Variants in MARCO observed in about 807,000 individuals in gnomAD.
MARCO encodes macrophage receptor MARCO.
MARCO carries 72 observed loss-of-function variants against 70.0 expected under a neutral mutation model. The observed-to-expected ratio is 1.03, with a 90% CI of 0.85 to 1.25. The LOEUF is 1.25. Ranked by LOEUF, MARCO falls within the 50% of genes most tolerant of loss-of-function variation. The pLI is 0.00. For missense variants in MARCO, 696 were observed against 659.3 expected, an observed-to-expected ratio of 1.06 and a Z score of -0.61; for synonymous variants, 273 against 243.1, an observed-to-expected ratio of 1.12 and a Z score of -1.14.
chr2:118,964,417 G>T (rs537125144), intron 1 of MARCO, among the ~76,000 whole-genome samples: 3 of 152,248 alleles, frequency 2.0e-5, no homozygotes, highest in South Asian at 2.1e-4. Flanking sequence ...GCCAGTAAAA[G>T]ATTCTCTTCA....
rs761711203 is a variant in MARCO at position 118,981,502 on chromosome 2, C to A, written c.860C>A (p.Pro287Gln). ...GSKGDFGRPG[P>Q]PGLAGFPGAK... is the part of the protein sequence containing the mutation. ...AAAGGTGACTTCGGGAGGCCAGGCC[C>A]ACCAGGTAAGAGGGCACGTGGTCAC... Residue 287 changes from proline to glutamine, a missense_variant, in exon 9 of 17, where the codon CCA becomes CAA. Around this residue, in one of 3 missense-constraint regions of MARCO, gnomAD observed 605 missense variants for 537.6 expected, o/e 1.13. Transcript: ENST00000327097. 4 of 1,600,948 alleles carry A rather than the reference C, an allele frequency of 2.5e-6. No individual in the cohort carries two copies. The highest frequency in any genetic ancestry group is 3.4e-6 in the Non-Finnish European group (4 of 1,176,866).
In MARCO at chr2:118,970,374, A is replaced by T. The variant is rs751628673; in HGVS notation, c.424+36A>T. 42 of 1,497,524 alleles carry T rather than the reference A, an allele frequency of 2.8e-5. No homozygotes were observed. In the East Asian group the frequency reaches 9.7e-4, roughly 34 times the overall value. The allele number at this position is 1,497,524 out of a possible 1,614,324, so 92.8% of individuals were successfully genotyped here. ...CTCCCCTCTGGGTCAGGACTTCTCAACAGAGGTCTGGGAGACAGCGGGATC... is the reference window on the plus strand; with the variant it reads ...CTCCCCTCTGGGTCAGGACTTCTCATCAGAGGTCTGGGAGACAGCGGGATC... On this transcript the variant is annotated intron_variant, in intron 3 of 16. Coordinates refer to ENST00000327097, the MANE Select transcript of MARCO (RefSeq NM_006770.4).
Position 118,993,191 on chromosome 2 carries a change from T to C in MARCO, c.1320T>C (p.Ser440=), listed in dbSNP as rs1467003607. The C allele has an allele frequency of 6.2e-7, 1 of 1,614,210 alleles. No homozygotes were observed. Among genetic ancestry groups the C allele is most frequent in the African/African-American group, 1.3e-5 (1 of 75,066 alleles). ...SNRGRAEVYY[S]GTWGTICDDE... ...GAGGCCGGGCTGAAGTTTACTACAGTGGTACCTGGGGGACAATTTGCGATG... is the reference window on the plus strand; with the variant it reads ...GAGGCCGGGCTGAAGTTTACTACAGCGGTACCTGGGGGACAATTTGCGATG... The change falls in exon 16 of 17, where the codon AGT becomes AGC. Residue 440 remains serine, a synonymous_variant. Transcript: ENST00000327097.
At chr2:118,981,761 C>G in intron 10 of MARCO, 105 bp downstream of exon 10, 2 of 1,176,802 alleles carry the variant, frequency 1.7e-6, no homozygotes, top group Non-Finnish European at 2.5e-6. Flanking sequence ...TAGTATTCAC[C>G]CAGAACACCT....
chr2:118,960,638 T>C (rs1260710781), intron 1 of MARCO, among the ~76,000 whole-genome samples: 1 of 152,224 alleles, frequency 6.6e-6, no homozygotes, highest in East Asian at 1.9e-4. Context: ...CATCCTTGCA[T>C]ATCTGGAATA....
chr2:118,970,554 T>G (rs1357002586), intron 3 of MARCO, among the ~76,000 whole-genome samples: 1 of 151,974 alleles, frequency 6.6e-6, no homozygotes, highest in Non-Finnish European at 1.5e-5. Flanking sequence ...CCTGGGGCGG[T>G]TCCCTGGACC....
chr2:118,942,299 C>CA lies in MARCO; in HGVS notation c.1dup, dbSNP rs774281643. 1 of 1,608,642 alleles carries CA rather than the reference C, an allele frequency of 6.2e-7. No individual in the cohort carries two copies. Among genetic ancestry groups the CA allele is most frequent in the Non-Finnish European group, 8.5e-7 (1 of 1,175,300 alleles). On this transcript the variant is annotated 5_prime_UTR_variant, in exon 1 of 17. Transcript: ENST00000327097. The stretch of plus-strand genomic sequence containing the variant: ...GACTTTGGCCATCTATAAAGCTTGG[C>CA]AATGAGAAATAAGAAAATTCTCAAG...
At position 118,950,550 on chromosome 2, in the gene MARCO, C is replaced by T. The variant is rs534724285; in HGVS notation, c.97+8153C>T. On this transcript the variant is annotated intron_variant, in intron 1 of 16. Coordinates refer to ENST00000327097, the MANE Select transcript of MARCO (RefSeq NM_006770.4). ...AAGTTTATTTTGCTTTCCTTACATA[C>T]CTTGCATATAAACTGTTTCTTCAAT... 7.9e-5 allele frequency among the ~76,000 whole-genome samples: 12 copies of T among 152,292 alleles called. 1 individual carries two copies. The South Asian group carries it at 2.1e-3, about 26-fold the overall frequency.
chr2:118,956,679 C>G (rs1487979942), intron 1 of MARCO, among the ~76,000 whole-genome samples: 3 of 152,008 alleles, frequency 2.0e-5, no homozygotes, highest in African/African-American at 7.2e-5. Context: ...ATCCAACAAC[C>G]AAAGAATACA....
intron 1 of MARCO, among the ~76,000 whole-genome samples, chr2:118,962,558 G>A (rs1287781708): frequency 1.3e-5 from 2 of 151,926 alleles, no homozygotes; most frequent in South Asian, 2.1e-4. Flanking sequence ...TCATGAAATA[G>A]TTTTGTTTGT....
chr2:118,974,698 G>A, intron 6 of MARCO, 133 bp downstream of exon 6: 1 of 876,494 alleles, frequency 1.1e-6, no homozygotes, highest in Non-Finnish European at 1.7e-6. Context: ...GGCCTGGTGG[G>A]AGACCCCAGA....
chr2:118,950,609 G>A (rs1837288), intron 1 of MARCO, among the ~76,000 whole-genome samples: 1,621 of 152,204 alleles, frequency 0.011, 30 homozygotes, highest in African/African-American at 0.037. Context: ...TTACTTTTAA[G>A]TTATACAACA....
rs115794287 is a variant in MARCO at position 118,943,773 on chromosome 2, C to T, written c.97+1376C>T. On this transcript the variant is annotated intron_variant, in intron 1 of 16. Coordinates refer to ENST00000327097, the MANE Select transcript of MARCO (RefSeq NM_006770.4). ...ATATAAATACTTCCATACTGTTTGG[C>T]CAAAATTGGGACGGAAAGACCAGTG... Among the ~76,000 whole-genome samples, 880 of 152,220 alleles carry T rather than the reference C, an allele frequency of 5.8e-3. 11 individuals are homozygous for T. The highest frequency in any genetic ancestry group is 0.012 in the South Asian group (56 of 4,818).
At chr2:118,992,246 C>T (rs1281627226) in intron 14 of MARCO, among the ~76,000 whole-genome samples, 186 bp from the exon 15 acceptor site, 1 of 152,196 alleles carries the variant, frequency 6.6e-6, no homozygotes, top group Non-Finnish European at 1.5e-5. Context: ...AGCTCAGGCC[C>T]GTTTCTTCCT....
chr2:118,982,120 A>G (rs1680403707), intron 10 of MARCO, 36 bp from the exon 11 acceptor site: 1 of 1,524,656 alleles, frequency 6.6e-7, no homozygotes, highest in Non-Finnish European at 9.0e-7. Flanking sequence ...CCCTCTGCCA[A>G]CCACCACAGC....
chr2:118,951,151 T>C (rs1679715287), intron 1 of MARCO, among the ~76,000 whole-genome samples: 1 of 152,228 alleles, frequency 6.6e-6, no homozygotes, highest in Admixed American at 6.5e-5. Flanking sequence ...AGTTTCCTTA[T>C]CACTTACTGA....
At position 118,977,929 on chromosome 2, in the gene MARCO, C is replaced by T. The variant is rs1680317835; in HGVS notation, c.760C>T (p.Leu254Phe). The T allele has an allele frequency of 6.2e-7, 1 of 1,601,340 alleles. No homozygotes were observed. The highest frequency in any genetic ancestry group is 8.5e-7 in the Non-Finnish European group (1 of 1,172,898). The change falls in exon 8 of 17, where the codon CTC becomes TTC. Residue 254 changes from leucine to phenylalanine, a missense_variant. Coordinates refer to ENST00000327097, the MANE Select transcript of MARCO (RefSeq NM_006770.4). ...TAAGGGAGAGAAAGGAGACCTGGGT[C>T]TCCCAGGTGAGGGCCGTATTGGGGG... is the stretch of plus-strand genomic sequence containing the variant. The part of the protein sequence containing the change: ...GTKGEKGDLG[L>F]PGSKGDRGMK...
intron 1 of MARCO, among the ~76,000 whole-genome samples, chr2:118,953,226 G>A (rs970661919): frequency 6.6e-5 from 10 of 152,308 alleles, no homozygotes; most frequent in African/African-American, 2.2e-4. Flanking sequence ...GAGCTGGAAC[G>A]GGCCTGTGAG....
chr2:118,991,959 T>G, intron 14 of MARCO, 84 bp downstream of exon 14: 1 of 988,638 alleles, frequency 1.0e-6, no homozygotes, highest in Non-Finnish European at 1.5e-6. Context: ...AAGGCGCTGT[T>G]TTAAGAGTTC....
Sources: gnomAD v4.1 joint callset for allele counts (sites outside exome capture counted in the v4.1 genomes callset) on GRCh38, gnomAD v4.1.1 for gene constraint, gnomAD v4.1.1 regional missense constraint, MANE v1.5 for transcripts, NCBI Gene and HGNC (gene_info 2026-07-23, HGNC 2026-07-21) for gene names.